Variants in POLG2 observed in about 807,000 individuals in gnomAD.
The protein encoded by POLG2 is DNA polymerase subunit gamma-2.
Under a neutral mutation model 56.5 loss-of-function variants are expected in POLG2, and 50 were observed. That is an observed-to-expected ratio of 0.88 (90% CI 0.71 to 1.12). The LOEUF (loss-of-function observed/expected upper bound fraction) is 1.12. Ranked by LOEUF, POLG2 falls within the 50% of genes most tolerant of loss-of-function variation. The pLI is 0.00. For missense variants in POLG2, 584 were observed against 583.3 expected (o/e 1.00, Z -0.01); for synonymous variants, 226 against 222.6 (o/e 1.02, Z -0.14).
Position 64,477,939 on chromosome 17 carries a change from A to G in POLG2, c.1342T>C (p.Leu448=). Residue 448 remains leucine (L), a synonymous_variant, in exon 8 of 8, where the codon TTG becomes CTG. Coordinates refer to ENST00000539111, the MANE Select transcript of POLG2 (RefSeq NM_007215.4). Reference sequence around the variant, plus strand: ...CTCAGATGTATTAATCCATTCTCCAAAGTAGTTTCAGTAACCAAAACTGTG... The same window carrying G: ...CTCAGATGTATTAATCCATTCTCCAGAGTAGTTTCAGTAACCAAAACTGTG... ...LFTVLVTETT[L]ENGLIHLRSR... The G allele has an allele frequency of 6.2e-7, 1 of 1,613,994 alleles. No individual in the cohort carries two copies. Among genetic ancestry groups the G allele is most frequent in the Non-Finnish European group, 8.5e-7 (1 of 1,179,956 alleles).
chr17:64,481,170 C>G, intron 6 of POLG2: 4 of 564,950 alleles, frequency 7.1e-6, no homozygotes, highest in Non-Finnish European at 9.0e-6. Flanking sequence ...TCTCTCCAGA[C>G]ATTACTAAAT....
rs538593678 is a variant in POLG2 at position 64,490,827 on chromosome 17, T to G, written c.938A>C (p.His313Pro). The change falls in exon 4 of 8, where the codon CAC (histidine) becomes CCC (proline). Residue 313 changes from histidine (H) to proline (P), a missense_variant. His to Pro is a moderately conservative substitution (Grantham distance 77). Coordinates refer to ENST00000539111, the MANE Select transcript of POLG2 (RefSeq NM_007215.4). ...LWNLGDHELLHMYPGNVSKLH... is the reference protein window; with the variant it reads ...LWNLGDHELLPMYPGNVSKLH... The stretch of plus-strand genomic sequence containing the variant: ...TTTAGACACATTGCCAGGATACATG[T>G]GTAAAAGTTCGTGATCTCCTAGGTT... The G allele has an allele frequency of 3.2e-5, 51 of 1,613,600 alleles. No individual in the cohort carries two copies. The South Asian group carries it at 4.7e-4, about 15-fold the overall frequency.
At chr17:64,493,487 A>G (rs782239514) in intron 1 of POLG2, among the ~76,000 whole-genome samples, 3 of 150,412 alleles carry the variant, frequency 2.0e-5, no homozygotes, top group Non-Finnish European at 4.4e-5. Context: ...TAGTTTGAAG[A>G]TTTTCTTTTT....
Position 64,482,928 on chromosome 17 carries a change from T to G in POLG2, c.1182A>C (p.Glu394Asp). The part of the protein sequence containing the change: ...ALDVGRGPTL[E>D]LRQVCQGLFN... Reference sequence around the variant, plus strand: ...AACTCATTTAACTCACCTGTCTTAGTTCCAATGTGGGGCCTCTTCCTACAT... The same window carrying G: ...AACTCATTTAACTCACCTGTCTTAGGTCCAATGTGGGGCCTCTTCCTACAT... Residue 394 changes from glutamate (E) to aspartate (D), a missense_variant, in exon 6 of 8, where the codon GAA becomes GAC. By Grantham distance (45) the Glu-to-Asp change is conservative. Transcript: ENST00000539111. 6.3e-7 allele frequency: 1 copy of G among 1,576,240 alleles called. No individual in the cohort carries two copies. The highest frequency in any genetic ancestry group is 8.7e-7 in the Non-Finnish European group (1 of 1,145,754).
chr17:64,490,888 A>G lies in POLG2; in HGVS notation c.877T>C (p.Phe293Leu), dbSNP rs540642890. ...GRKGNKLYYN[F>L]PWGKELIETL... The stretch of plus-strand genomic sequence containing the variant: ...TCTATTAACTCCTTTCCCCAGGGAA[A>G]ATTGTAGTAAAGTTTGTTTCCTTTC... Residue 293 changes from phenylalanine to leucine, a missense_variant, in exon 4 of 8, where the codon TTT becomes CTT. Physicochemically the swap from Phe to Leu is conservative, Grantham distance 22 (BLOSUM62 0). Coordinates refer to ENST00000539111, the MANE Select transcript of POLG2 (RefSeq NM_007215.4). The G allele has an allele frequency of 6.2e-7, 1 of 1,613,838 alleles. No homozygotes were observed. The highest frequency in any genetic ancestry group is 2.2e-5 in the East Asian group (1 of 44,866).
chr17:64,490,773 T>G (rs782059086), intron 4 of POLG2, 23 bp downstream of exon 4: 2 of 1,589,560 alleles, frequency 1.3e-6, no homozygotes, highest in Non-Finnish European at 1.7e-6. Flanking sequence ...AAAAAATACA[T>G]AGGAGCTCCA....
In POLG2 at chr17:64,477,884, A is replaced by T. The variant is rs2144120029; in HGVS notation, c.1397T>A (p.Met466Lys). 6.2e-7 allele frequency: 1 copy of T among 1,613,562 alleles called. No individual in the cohort carries two copies. The highest frequency in any genetic ancestry group is 2.2e-5 in the East Asian group (1 of 44,844). The change falls in exon 8 of 8, where the codon ATG becomes AAG. Residue 466 changes from methionine to lysine, a missense_variant. By Grantham distance (95) the Met-to-Lys change is moderately conservative. Coordinates refer to ENST00000539111, the MANE Select transcript of POLG2 (RefSeq NM_007215.4). ...RSRDTTMKEM[M>K]HISKLKDFLI... ...AAAGTCTTTTAATTTGGATATATGC[A>T]TCATTTCCTTCATTGTGGTGTCTCT...
At chr17:64,483,921 A>T (rs782334993) in intron 5 of POLG2, 9 of 152,290 alleles carry the variant, frequency 5.9e-5, no homozygotes, top group Non-Finnish European at 1.3e-4. Context: ...CATGTTGCCC[A>T]GACAGACTGG....
intron 5 of POLG2, 26 bp downstream of exon 5, chr17:64,485,702 G>A (rs782117038): frequency 6.3e-7 from 1 of 1,585,834 alleles, no homozygotes; most frequent in Non-Finnish European, 8.7e-7. Context: ...AGTTTCCCAA[G>A]TCTATCTCTG....
Position 64,496,554 on chromosome 17 carries a change from G to A in POLG2, c.415C>T (p.Leu139=). The part of the protein sequence containing the change: ...DALHHKPGPL[L]PGDSAFRLVS... ...AACCTGAAGGCACTGTCCCCGGGTAGCAAAGGGCCTGGTTTGTGGTGGAGG... is the reference window on the plus strand; with the variant it reads ...AACCTGAAGGCACTGTCCCCGGGTAACAAAGGGCCTGGTTTGTGGTGGAGG... The change falls in exon 1 of 8, where the codon CTA becomes TTA. Residue 139 remains leucine, a synonymous_variant. Coordinates refer to ENST00000539111, the MANE Select transcript of POLG2 (RefSeq NM_007215.4). 1.2e-6 allele frequency: 2 copies of A among 1,613,946 alleles called. No individual in the cohort carries two copies. Among genetic ancestry groups the A allele is most frequent in the South Asian group, 1.1e-5 (1 of 91,066 alleles).
intron 5 of POLG2, among the ~76,000 whole-genome samples, chr17:64,484,921 G>A (rs1281223816): frequency 2.6e-5 from 4 of 151,954 alleles, no homozygotes; most frequent in Admixed American, 6.5e-5. Context: ...ATGTTCAAAG[G>A]GTATATGACT....
intron 2 of POLG2, 37 bp downstream of exon 2, chr17:64,492,858 T>G (rs781784029): frequency 6.2e-7 from 1 of 1,612,822 alleles, no homozygotes; most frequent in Non-Finnish European, 8.5e-7. Context: ...TTTTGACTAT[T>G]TAAATACAAG....
Position 64,477,810 on chromosome 17 carries a change from CAA to C in POLG2, c.*11_*12del. 6.4e-7 allele frequency: 1 copy of C among 1,552,850 alleles called. No homozygotes were observed. Among genetic ancestry groups the C allele is most frequent in the South Asian group, 1.2e-5 (1 of 81,156 alleles). On this transcript the variant is annotated 3_prime_UTR_variant, in exon 8 of 8. Coordinates refer to ENST00000539111, the MANE Select transcript of POLG2 (RefSeq NM_007215.4). ...TTAGGAGAGAAGAATATTTATTATA[CAA>C]ATATAAAAATCTATACATTCTTAGC...
chr17:64,490,215 G>A (rs923746226), intron 4 of POLG2, among the ~76,000 whole-genome samples: 3 of 152,122 alleles, frequency 2.0e-5, no homozygotes, highest in Non-Finnish European at 2.9e-5. Context: ...GAGCCACTGC[G>A]CCTGGCCGTT....
At chr17:64,484,605 T>G (rs116026000) in intron 5 of POLG2, among the ~76,000 whole-genome samples, 1,902 of 152,198 alleles carry the variant, frequency 0.012, 42 homozygotes, top group African/African-American at 0.043. Flanking sequence ...GTAGACAGGC[T>G]AGGAAGTGGT....
intron 4 of POLG2, chr17:64,487,503 A>G (rs1366741080): frequency 1.3e-5 from 2 of 151,614 alleles, no homozygotes; most frequent in African/African-American, 4.9e-5. Context: ...AATCCCAGCT[A>G]CTCAGCAGGC....
At chr17:64,485,953 C>A (rs1555667392) in intron 4 of POLG2, 85 bp from the exon 5 acceptor site, 2 of 1,375,684 alleles carry the variant, frequency 1.5e-6, no homozygotes, top group African/African-American at 2.8e-5. Flanking sequence ...CACTCTGTCA[C>A]CTGGCCAGGC....
chr17:64,496,355 C>A, intron 1 of POLG2, 52 bp downstream of exon 1: 1 of 1,208,364 alleles, frequency 8.3e-7, no homozygotes, highest in Middle Eastern at 2.0e-4. Flanking sequence ...AGCAAGACTG[C>A]CTCGCCTTTC....
chr17:64,496,321 G>T, intron 1 of POLG2, 86 bp downstream of exon 1: 1 of 814,634 alleles, frequency 1.2e-6, no homozygotes, highest in South Asian at 1.7e-5. Flanking sequence ...GGGAATACAG[G>T]GCCAGTTGCA....
Sources: allele counts gnomAD v4.1 joint callset (sites outside exome capture counted in the v4.1 genomes callset), GRCh38; gene constraint gnomAD v4.1.1; transcripts MANE v1.5; gene names NCBI Gene and HGNC (gene_info 2026-07-23, HGNC 2026-07-21).